ROBO2: variants seen among roughly 807,000 people sequenced by gnomAD.
ROBO2 encodes roundabout guidance receptor 2.
A neutral mutation model predicts 160.8 loss-of-function variants in ROBO2; 53 were observed. The observed-to-expected ratio is 0.33, with a 90% confidence interval of 0.26 to 0.41. ROBO2 has a LOEUF of 0.41. Among genes scored for constraint, ROBO2 ranks in the 10% least tolerant of loss-of-function variants. ROBO2 has a pLI of 1.00. For missense variants in ROBO2, 1,577 were observed against 1,722.4 expected (o/e 0.92, Z 1.49); for synonymous variants, 664 against 611.7 (o/e 1.09, Z -1.26).
At chr3:76,489,105 A>T in intron 2 of ROBO2, among the ~76,000 whole-genome samples, 1 of 129,472 alleles carries the variant, frequency 7.7e-6, no homozygotes, top group African/African-American at 3.2e-5. Context: ...AAAAAAAAAA[A>T]AAAAAAAAAA....
At chr3:77,480,389 A>G (rs139589817) in intron 3 of ROBO2, among the ~76,000 whole-genome samples, 324 of 152,034 alleles carry the variant, frequency 2.1e-3, no homozygotes, top group African/African-American at 7.5e-3. Flanking sequence ...GCAAATACAT[A>G]TTTTAATATT....
intron 2 of ROBO2, among the ~76,000 whole-genome samples, chr3:76,622,281 A>AAG (rs2089254268): frequency 2.5e-5 from 2 of 79,488 alleles, no homozygotes; most frequent in African/African-American, 9.4e-5. Flanking sequence ...AAAGAAAGAA[A>AAG]GAAAGAAAGA....
intron 2 of ROBO2, among the ~76,000 whole-genome samples, chr3:76,359,880 A>C (rs1238486715): frequency 6.6e-6 from 1 of 152,034 alleles, no homozygotes; most frequent in Non-Finnish European, 1.5e-5. Flanking sequence ...CCCAGTCTAA[A>C]GTTATAACAT....
At chr3:77,045,223 A>G (rs2064521699) in intron 1 of ROBO2, among the ~76,000 whole-genome samples, 2 of 152,226 alleles carry the variant, frequency 1.3e-5, no homozygotes, top group African/African-American at 2.4e-5. Context: ...TTATACAATG[A>G]TAGAAGCATA....
intron 2 of ROBO2, among the ~76,000 whole-genome samples, chr3:76,695,492 C>G (rs571182742): frequency 6.6e-6 from 1 of 151,938 alleles, no homozygotes; most frequent in East Asian, 1.9e-4. Flanking sequence ...GATAAAGAAG[C>G]TTTATAATGA....
intron 12 of ROBO2, among the ~76,000 whole-genome samples, chr3:77,567,100 T>G (rs949055415): frequency 6.6e-6 from 1 of 150,846 alleles, no homozygotes; most frequent in Admixed American, 6.6e-5. Flanking sequence ...AAAAAAAAAG[T>G]AGAACTGGAA....
At chr3:76,101,294 G>T (rs2069672723) in intron 2 of ROBO2, among the ~76,000 whole-genome samples, 1 of 152,116 alleles carries the variant, frequency 6.6e-6, no homozygotes. Context: ...ATAACAACTA[G>T]GTTTCCATCT....
chr3:76,353,793 G>A (rs2075010104), intron 2 of ROBO2, among the ~76,000 whole-genome samples: 1 of 151,854 alleles, frequency 6.6e-6, no homozygotes. Flanking sequence ...AGAACTTAGA[G>A]AACTCTCTAA....
intron 2 of ROBO2, among the ~76,000 whole-genome samples, chr3:77,277,176 C>CTTTCTT (rs1439714929): frequency 5.9e-5 from 6 of 101,674 alleles, no homozygotes; most frequent in East Asian, 4.8e-4. Flanking sequence ...TTCTTTCTTT[C>CTTTCTT]TTTCTTTCTT....
chr3:77,548,207 C>T (rs758150728), intron 7 of ROBO2, among the ~76,000 whole-genome samples: 1 of 151,726 alleles, frequency 6.6e-6, no homozygotes, highest in Non-Finnish European at 1.5e-5. Context: ...CAGTTTCCTC[C>T]TTATAAATTG....
chr3:76,633,756 C>T (rs2090161804), intron 2 of ROBO2, among the ~76,000 whole-genome samples: 2 of 152,158 alleles, frequency 1.3e-5, no homozygotes, highest in Non-Finnish European at 2.9e-5. Flanking sequence ...TTATTATCCC[C>T]ACTTTATAGA....
At chr3:76,081,430 T>C (rs553562609) in intron 2 of ROBO2, among the ~76,000 whole-genome samples, 2 of 152,242 alleles carry the variant, frequency 1.3e-5, no homozygotes, top group South Asian at 4.1e-4. Flanking sequence ...TATTTGATAA[T>C]ATGAGTTTAG....
chr3:77,564,695 C>A (rs2093428661), intron 11 of ROBO2: 8 of 553,850 alleles, frequency 1.4e-5, no homozygotes, highest in Non-Finnish European at 2.0e-5. Context: ...GGCTGCTGTG[C>A]ATTAGCAAAG....
chr3:77,429,119 T>C (rs1581867980), intron 2 of ROBO2, among the ~76,000 whole-genome samples: 1 of 152,218 alleles, frequency 6.6e-6, no homozygotes, highest in East Asian at 1.9e-4. Flanking sequence ...CAGAGTCGTA[T>C]CCTATTGTGA....
At chr3:76,650,887 T>C (rs1404602201) in intron 2 of ROBO2, among the ~76,000 whole-genome samples, 1 of 152,208 alleles carries the variant, frequency 6.6e-6, no homozygotes, top group Non-Finnish European at 1.5e-5. Context: ...TAATAGTAGC[T>C]AAAGTGTAGT....
intron 2 of ROBO2, among the ~76,000 whole-genome samples, chr3:76,755,896 C>A (rs1365374845): frequency 6.6e-6 from 1 of 151,764 alleles, no homozygotes; most frequent in African/African-American, 2.4e-5. Context: ...CATTGTATCC[C>A]TTCCTTTAGA....
At chr3:76,271,180 A>G (rs1707410315) in intron 2 of ROBO2, among the ~76,000 whole-genome samples, 1 of 152,086 alleles carries the variant, frequency 6.6e-6, no homozygotes, top group African/African-American at 2.4e-5. Context: ...AACAAAAAGT[A>G]GGGAAAAACA....
chr3:77,420,481 C>G (rs1165995816), intron 2 of ROBO2, among the ~76,000 whole-genome samples: 1 of 152,106 alleles, frequency 6.6e-6, no homozygotes, highest in Admixed American at 6.6e-5. Flanking sequence ...ATTTCCTGGG[C>G]ACACATCCTT....
intron 2 of ROBO2, among the ~76,000 whole-genome samples, chr3:77,240,469 C>T (rs968363864): frequency 4.6e-5 from 7 of 152,296 alleles, no homozygotes; most frequent in African/African-American, 1.7e-4. Context: ...GCCTCTCCCT[C>T]CACACCTCCC....
Sources: gnomAD v4.1 joint callset for allele counts (sites outside exome capture counted in the v4.1 genomes callset) on GRCh38, gnomAD v4.1.1 for gene constraint, MANE v1.5 for transcripts, NCBI Gene and HGNC (gene_info 2026-07-23, HGNC 2026-07-21) for gene names.